Variants in SORCS2 observed in about 807,000 individuals in gnomAD.
SORCS2 encodes VPS10 domain-containing receptor SorCS2.
A neutral mutation model predicts 141.6 loss-of-function variants in SORCS2; 100 were observed. That is an observed-to-expected ratio of 0.71 (90% CI 0.60 to 0.83). The LOEUF (loss-of-function observed/expected upper bound fraction) is 0.83, where lower values mean the gene tolerates loss of function less well. Ranked by LOEUF, SORCS2 falls within the 40% of genes least tolerant of loss-of-function variation. SORCS2 has a pLI of 0.00. For missense variants in SORCS2, 1,646 were observed against 1,560.2 expected (o/e 1.05, Z -0.93); for synonymous variants, 789 against 676.9 (o/e 1.17, Z -2.57).
chr4:7,498,313 A>G (rs1384831597), intron 2 of SORCS2, among the ~76,000 whole-genome samples: 3 of 152,144 alleles, frequency 2.0e-5, no homozygotes, highest in Admixed American at 6.5e-5. Flanking sequence ...GGGGATCGCA[A>G]CCCTTTGCTA....
intron 3 of SORCS2, among the ~76,000 whole-genome samples, chr4:7,538,813 A>G (rs924401927): frequency 9.9e-5 from 15 of 152,202 alleles, no homozygotes; most frequent in African/African-American, 3.6e-4. Context: ...GCCACGTGTT[A>G]GTAAGCACTC....
At chr4:7,539,973 C>A (rs1391728419) in intron 3 of SORCS2, among the ~76,000 whole-genome samples, 198 of 150,746 alleles carry the variant, frequency 1.3e-3, no homozygotes, top group Admixed American at 2.4e-3. Context: ...ATGGCACCGC[C>A]CCTTCCTGTT....
rs1722394860 is a variant in SORCS2 at position 7,664,685 on chromosome 4, A to G, written c.1071+214A>G. 6.6e-6 allele frequency among the ~76,000 whole-genome samples: 1 copy of G among 152,146 alleles called. No homozygotes were observed. Among genetic ancestry groups the G allele is most frequent in the African/African-American group, 2.4e-5 (1 of 41,442 alleles). On this transcript the variant is annotated intron_variant, in intron 7 of 26. Coordinates refer to ENST00000507866, the MANE Select transcript of SORCS2 (RefSeq NM_020777.3). This position sits in a 1 kb window ranked among gnomAD's most constrained non-coding sequence, Gnocchi z 4.7. ...CCAGAACTGTGGCTCAGGGACACTG[A>G]GGCTCCACCTCCCTTCTGGCCACCA...
At chr4:7,642,006 G>C (rs1720782860) in intron 4 of SORCS2, among the ~76,000 whole-genome samples, 1 of 151,654 alleles carries the variant, frequency 6.6e-6, no homozygotes, top group African/African-American at 2.4e-5. Flanking sequence ...TAGATGGATG[G>C]ATGGGTGGAT....
intron 2 of SORCS2, among the ~76,000 whole-genome samples, chr4:7,429,977 G>A (rs562901628): frequency 5.3e-4 from 81 of 152,302 alleles, no homozygotes; most frequent in South Asian, 2.3e-3. Context: ...GGCAACCCCC[G>A]TCCGGTGCAC....
intron 3 of SORCS2, among the ~76,000 whole-genome samples, chr4:7,637,679 G>C (rs539690046): frequency 6.7e-6 from 1 of 149,604 alleles, no homozygotes; most frequent in Non-Finnish European, 1.5e-5. Context: ...TGTGTGGGGG[G>C]GCCCAGCCCA....
chr4:7,437,803 C>G (rs1727406013), intron 2 of SORCS2, among the ~76,000 whole-genome samples: 1 of 152,106 alleles, frequency 6.6e-6, no homozygotes, highest in African/African-American at 2.4e-5. Context: ...AGTACCTTTG[C>G]CCAGACACAC....
At chr4:7,540,867 T>C (rs552546678) in intron 3 of SORCS2, among the ~76,000 whole-genome samples, 12 of 152,324 alleles carry the variant, frequency 7.9e-5, no homozygotes, top group Middle Eastern at 3.4e-3. Flanking sequence ...GATGCCTGAC[T>C]CAGCAGCTCA....
intron 1 of SORCS2, among the ~76,000 whole-genome samples, chr4:7,215,808 C>G (rs1005926940): frequency 6.6e-6 from 1 of 152,172 alleles, no homozygotes; most frequent in African/African-American, 2.4e-5. Context: ...TCTAACTAAT[C>G]TGATGGGGAC....
chr4:7,278,997 C>T (rs1033314146), intron 1 of SORCS2, among the ~76,000 whole-genome samples: 5 of 152,282 alleles, frequency 3.3e-5, no homozygotes, highest in African/African-American at 4.8e-5. Flanking sequence ...GTCCAGGGAA[C>T]GACCCTTGAA....
chr4:7,454,311 G>A (rs1728711819), intron 2 of SORCS2, among the ~76,000 whole-genome samples: 2 of 119,528 alleles, frequency 1.7e-5, no homozygotes, highest in Non-Finnish European at 1.7e-5. Context: ...GGGGTTAGGA[G>A]CTGTGTGTTG....
chr4:7,409,812 G>A (rs765018824), intron 2 of SORCS2, among the ~76,000 whole-genome samples: 4 of 152,188 alleles, frequency 2.6e-5, no homozygotes, highest in Non-Finnish European at 5.9e-5. Context: ...CTGAAATATT[G>A]CTGGTGATCA....
At chr4:7,248,949 A>C (rs1713306082) in intron 1 of SORCS2, among the ~76,000 whole-genome samples, 1 of 152,162 alleles carries the variant, frequency 6.6e-6, no homozygotes, top group Non-Finnish European at 1.5e-5. Context: ...GCAGGGTTTT[A>C]GCCAGAAGTA....
intron 1 of SORCS2, among the ~76,000 whole-genome samples, chr4:7,338,394 T>A (rs376831259): frequency 8.1e-5 from 12 of 147,776 alleles, no homozygotes; most frequent in African/African-American, 2.1e-4. Flanking sequence ...GTTGGATGGA[T>A]GGATGGTTGG....
At chr4:7,309,023 C>G (rs765764107) in intron 1 of SORCS2, among the ~76,000 whole-genome samples, 3 of 152,220 alleles carry the variant, frequency 2.0e-5, no homozygotes, top group Non-Finnish European at 4.4e-5. Context: ...GCAGAATTCT[C>G]TCTCCTCTGC....
At chr4:7,267,439 G>A (rs1469675856) in intron 1 of SORCS2, among the ~76,000 whole-genome samples, 1 of 152,122 alleles carries the variant, frequency 6.6e-6, no homozygotes, top group Non-Finnish European at 1.5e-5. Context: ...CAAGCAGGCT[G>A]GGGCGAGGTC....
At chr4:7,281,279 G>A (rs1027299902) in intron 1 of SORCS2, among the ~76,000 whole-genome samples, 3 of 152,044 alleles carry the variant, frequency 2.0e-5, no homozygotes, top group African/African-American at 7.2e-5. Context: ...ATTCTCTCTC[G>A]GGGGGACCAT....
chr4:7,447,085 A>C (rs1412363188), intron 2 of SORCS2, among the ~76,000 whole-genome samples: 1 of 152,234 alleles, frequency 6.6e-6, no homozygotes, highest in Non-Finnish European at 1.5e-5. Flanking sequence ...TTCTTATAGA[A>C]GCAGGTCCCA....
chr4:7,558,971 C>A (rs191803863), intron 3 of SORCS2, among the ~76,000 whole-genome samples: 327 of 152,308 alleles, frequency 2.1e-3, no homozygotes, highest in Non-Finnish European at 3.1e-3. Context: ...TTGCCCTGCC[C>A]GATGTCCCTC....
Sources: gnomAD v4.1 joint callset for allele counts (sites outside exome capture counted in the v4.1 genomes callset) on GRCh38, gnomAD v4.1.1 for gene constraint, Gnocchi (gnomAD v3.1) non-coding constraint, MANE v1.5 for transcripts, NCBI Gene and HGNC (gene_info 2026-07-23, HGNC 2026-07-21) for gene names.